Variants in TAF6L observed in about 807,000 individuals in gnomAD.
TAF6L encodes the protein TAF6-like RNA polymerase II p300/CBP-associated factor-associated factor 65 kDa subunit 6L.
Under a neutral mutation model 57.3 loss-of-function variants are expected in TAF6L, and 34 were observed. The observed-to-expected ratio is 0.59, with a 90% CI of 0.45 to 0.79. The LOEUF (loss-of-function observed/expected upper bound fraction) is 0.79, where lower values mean the gene tolerates loss of function less well. Among genes scored for constraint, TAF6L ranks in the 30% least tolerant of loss-of-function variants. The pLI, the probability that TAF6L is intolerant of heterozygous loss-of-function variation, is 0.00. For missense variants in TAF6L, 782 were observed against 853.2 expected (o/e 0.92, Z 1.04); for synonymous variants, 417 against 376.3 (o/e 1.11, Z -1.25).
intron 8 of TAF6L, 73 bp from the exon 9 acceptor site, chr11:62,782,620 T>C (rs557820291): frequency 6.3e-7 from 1 of 1,578,842 alleles, no homozygotes; most frequent in Admixed American, 1.7e-5. Flanking sequence ...TGCTATTCTC[T>C]TTGTGTTGTC....
At chr11:62,779,135 C>G (rs1218654944) in intron 6 of TAF6L, among the ~76,000 whole-genome samples, 172 bp downstream of exon 6, 4 of 152,002 alleles carry the variant, frequency 2.6e-5, no homozygotes, top group African/African-American at 9.7e-5. Flanking sequence ...ATTCTCCTGC[C>G]TCAGCCTCCT....
chr11:62,781,474 C>A (rs1184385936), intron 6 of TAF6L, among the ~76,000 whole-genome samples: 1 of 151,758 alleles, frequency 6.6e-6, no homozygotes, highest in Non-Finnish European at 1.5e-5. Context: ...GAGATCGCGA[C>A]CATCCTGGCT....
At position 62,778,355 on chromosome 11, in the gene TAF6L, A is replaced by G; in HGVS notation, c.436+20A>G. On this transcript the variant is annotated intron_variant, in intron 5 of 10. Transcript: ENST00000294168. ...GATCGGGTAAGGGGTGATGTAGGAA[A>G]CAGGCTCTTTGGATGAATTTTCTCC... The G allele has an allele frequency of 2.5e-6, 4 of 1,614,088 alleles. No homozygotes were observed. The South Asian group carries it at 3.3e-5, about 13-fold the overall frequency.
chr11:62,786,759 C>T lies in TAF6L; in HGVS notation c.1332C>T (p.Leu444=). Residue 444 remains leucine (L), a synonymous_variant, in exon 11 of 11, where the codon CTC becomes CTT. Transcript: ENST00000294168. The part of the protein sequence containing the change: ...SVTLADIYRE[L]YAFFGDSLAT... ...CCCTGGCCGACATCTACCGGGAGCT[C>T]TACGCCTTCTTCGGTGACAGCTTGG... The T allele has an allele frequency of 6.2e-7, 1 of 1,613,012 alleles. No individual in the cohort carries two copies. Among genetic ancestry groups the T allele is most frequent in the Non-Finnish European group, 8.5e-7 (1 of 1,179,870 alleles).
chr11:62,776,939 G>A lies in TAF6L; in HGVS notation c.234+469G>A, dbSNP rs141231303. Reference sequence around the variant, plus strand: ...GGAGGCCGGCGGATCACGAAGTCAGGAGTTTGAGACCAACCTGCCCAACAT... The same window carrying A: ...GGAGGCCGGCGGATCACGAAGTCAGAAGTTTGAGACCAACCTGCCCAACAT... On this transcript the variant is annotated intron_variant, in intron 3 of 10. Transcript: ENST00000294168. 9.9e-3 allele frequency among the ~76,000 whole-genome samples: 1,502 copies of A among 152,024 alleles called. 20 individuals carry two copies. The highest frequency in any genetic ancestry group is 0.014 in the Non-Finnish European group (982 of 68,002).
At chr11:62,771,585 C>A in intron 1 of TAF6L, 95 bp downstream of exon 1, 1 of 166,036 alleles carries the variant, frequency 6.0e-6, no homozygotes, top group South Asian at 1.3e-4. Flanking sequence ...GGCCCGCCCC[C>A]TTGGCTGACC....
At chr11:62,783,219 A>T (rs2084243326) in intron 9 of TAF6L, among the ~76,000 whole-genome samples, 1 of 152,200 alleles carries the variant, frequency 6.6e-6, no homozygotes, top group Non-Finnish European at 1.5e-5. Flanking sequence ...GCAGTGGCTC[A>T]CGCCTGTAAT....
chr11:62,776,163 G>A (rs573564053), intron 2 of TAF6L, among the ~76,000 whole-genome samples: 1 of 152,144 alleles, frequency 6.6e-6, no homozygotes, highest in Non-Finnish European at 1.5e-5. Context: ...CAGGCAGAGC[G>A]GGTAGATACT....
chr11:62,776,587 A>C (rs1350091287), intron 3 of TAF6L, 117 bp downstream of exon 3: 2 of 1,002,684 alleles, frequency 2.0e-6, no homozygotes, highest in Non-Finnish European at 3.0e-6. Context: ...ATGGTGGCTC[A>C]TGCCTGTAAT....
chr11:62,779,952 C>CCATATATATA (rs1332185092), intron 6 of TAF6L, among the ~76,000 whole-genome samples: 2 of 100,056 alleles, frequency 2.0e-5, no homozygotes, highest in African/African-American at 8.9e-5. Context: ...AGGCGTGAGC[C>CCATATATATA]TATATATATA....
intron 6 of TAF6L, among the ~76,000 whole-genome samples, chr11:62,781,354 G>A (rs1165040089): frequency 6.6e-6 from 1 of 151,566 alleles, no homozygotes; most frequent in Non-Finnish European, 1.5e-5. Context: ...TAAGCATCTG[G>A]TTTTATAGAT....
At chr11:62,782,974 A>G in intron 9 of TAF6L, 149 bp downstream of exon 9, 1 of 1,211,024 alleles carries the variant, frequency 8.3e-7, no homozygotes, top group East Asian at 2.5e-5. Context: ...GTGATACTTG[A>G]CTTTCTGAAT....
In TAF6L at chr11:62,776,368, GT is replaced by G; in HGVS notation, c.148-14del. ...TTCACATCCTTTGACTCTGGCTTTT[GT>G]TCCCTCCCTCCCAGAATAGCTCTCA... On this transcript the variant is annotated splice_polypyrimidine_tract_variant and intron_variant, in intron 2 of 10. Transcript: ENST00000294168. The G allele has an allele frequency of 6.2e-7, 1 of 1,612,894 alleles. No homozygotes were observed. The highest frequency in any genetic ancestry group is 8.5e-7 in the Non-Finnish European group (1 of 1,179,184).
At chr11:62,782,041 C>T in intron 7 of TAF6L, 72 bp from the exon 8 acceptor site, 1 of 1,592,554 alleles carries the variant, frequency 6.3e-7, no homozygotes, top group Non-Finnish European at 8.6e-7. Context: ...GGGCTCATGG[C>T]AAGTGCTGTC....
At chr11:62,778,495 A>G in intron 5 of TAF6L, 160 bp downstream of exon 5, 1 of 823,656 alleles carries the variant, frequency 1.2e-6, no homozygotes, top group Non-Finnish European at 2.0e-6. Flanking sequence ...TGGAGGGCTC[A>G]GAGTTGGAGA....
Position 62,778,041 on chromosome 11 carries a change from T to G in TAF6L, c.298T>G (p.Tyr100Asp), listed in dbSNP as rs757738919. The change falls in exon 4 of 11, where the codon TAC becomes GAC. Residue 100 changes from tyrosine (Y) to aspartate (D), a missense_variant. Transcript: ENST00000294168. ...GCGCCCCGCCAGGGAGGGTGAACTCTACTTTCCTGAGGATCGAGAGGTGAA... is the reference window on the plus strand; with the variant it reads ...GCGCCCCGCCAGGGAGGGTGAACTCGACTTTCCTGAGGATCGAGAGGTGAA... ...PMRPAREGEL[Y>D]FPEDREVNLV... The G allele has an allele frequency of 2.5e-6, 4 of 1,614,154 alleles. No individual in the cohort carries two copies. The highest frequency in any genetic ancestry group is 1.7e-6 in the Non-Finnish European group (2 of 1,180,020).
rs1270266181 is a variant in TAF6L at position 62,778,872 on chromosome 11, C to T, written c.440C>T (p.Pro147Leu). 6 of 1,613,804 alleles carry T rather than the reference C, an allele frequency of 3.7e-6. No homozygotes were observed. The highest frequency in any genetic ancestry group is 5.1e-6 in the Non-Finnish European group (6 of 1,179,906). The change falls in exon 6 of 11, where the codon CCC becomes CTC. Residue 147 changes from proline to leucine, a missense_variant. Physicochemically the swap from Pro to Leu is moderately conservative, Grantham distance 98. Around this residue, in one of 3 missense-constraint regions of TAF6L, gnomAD observed 220 missense variants for 252.1 expected, o/e 0.87. Transcript: ENST00000294168. The part of the protein sequence containing the change: ...KGNLAPQGSV[P>L]SAVSSLTDDL... ...CTTCCTGCCTGTCCTCTGGCAGTGC[C>T]CAGTGCTGTGTCTTCACTGACAGAT...
At position 62,787,264 on chromosome 11, in the gene TAF6L, C is replaced by A. The variant is rs766702963; in HGVS notation, c.1837C>A (p.Leu613Ile). 3.6e-5 allele frequency: 57 copies of A among 1,564,084 alleles called. No individual in the cohort carries two copies. The highest frequency in any genetic ancestry group is 4.7e-5 in the Non-Finnish European group (55 of 1,163,430). Residue 613 changes from leucine to isoleucine, a missense_variant, in exon 11 of 11, where the codon CTC becomes ATC. By Grantham distance (5) the Leu-to-Ile change is conservative. This residue lies in a region of TAF6L where 483 missense variants were observed against 445.1 expected (regional missense o/e 1.09). Coordinates refer to ENST00000294168, the MANE Select transcript of TAF6L (RefSeq NM_006473.4). ...RTSRPARRWA[L>I]SDYSLYLPL ...CAGCCGCCCCGCCCGCCGGTGGGCGCTCTCGGACTACTCGCTGTACTTGCC... is the reference window on the plus strand; with the variant it reads ...CAGCCGCCCCGCCCGCCGGTGGGCGATCTCGGACTACTCGCTGTACTTGCC...
At chr11:62,774,553 G>A (rs2084171547) in intron 1 of TAF6L, 1 of 454,286 alleles carries the variant, frequency 2.2e-6, no homozygotes, top group African/African-American at 2.0e-5. Flanking sequence ...GGGCCTTCCT[G>A]TCTGAGGTGT....
Sources: gnomAD v4.1 joint callset for allele counts (sites outside exome capture counted in the v4.1 genomes callset) on GRCh38, gnomAD v4.1.1 for gene constraint, gnomAD v4.1.1 regional missense constraint, MANE v1.5 for transcripts, NCBI Gene and HGNC (gene_info 2026-07-23, HGNC 2026-07-21) for gene names.